The following SCN1A variants were observed in gnomAD, a reference collection of about 807,000 sequenced individuals.
SCN1A encodes the protein sodium voltage-gated channel alpha subunit 1.
SCN1A carries 13 observed loss-of-function variants against 193.7 expected under a neutral mutation model. The ratio of observed to expected loss-of-function variants is 0.07; its 90% CI spans 0.04 to 0.11. The LOEUF is 0.11. Among genes scored for constraint, SCN1A ranks in the 10% least tolerant of loss-of-function variants. The pLI is 1.00. For synonymous variants in SCN1A, 781 were observed against 843.6 expected (o/e 0.93, Z 1.29); for missense variants, 1,432 against 2,451.1 (o/e 0.58, Z 8.78).
intron 1 of SCN1A, among the ~76,000 whole-genome samples, chr2:166,144,841 G>A (rs1433075769): frequency 7.6e-6 from 1 of 131,494 alleles, no homozygotes; most frequent in African/African-American, 3.1e-5. Context: ...ATGGGTCTCA[G>A]AAAGGATCAT....
At chr2:166,014,914 G>C (rs1693071634) in intron 20 of SCN1A, among the ~76,000 whole-genome samples, 2 of 151,736 alleles carry the variant, frequency 1.3e-5, no homozygotes, top group African/African-American at 2.4e-5. Flanking sequence ...ACCATGGTCA[G>C]ATGAGGGCAG....
chr2:166,041,483 A>G lies in SCN1A; in HGVS notation c.2177-14T>C, dbSNP rs2105830037. ...ATTCTTCAAGTTCTAGATTAAGAAA[A>G]AAAAAAAAAAGAACCACCAAAAGGT... On this transcript the variant is annotated splice_polypyrimidine_tract_variant and intron_variant, in intron 15 of 28. Coordinates refer to ENST00000674923, the MANE Select transcript of SCN1A (RefSeq NM_001165963.4). 1 of 1,473,540 alleles carries G rather than the reference A, an allele frequency of 6.8e-7. No homozygotes were observed. Among genetic ancestry groups the G allele is most frequent in the Non-Finnish European group, 9.4e-7 (1 of 1,067,972 alleles). 91.3% of individuals were successfully genotyped at this position (1,473,540 alleles called of 1,614,324 possible). A position where few individuals can be genotyped will look rare whatever the true frequency, so the allele number is the denominator to read the frequency against.
At chr2:166,037,522 G>T (rs903169888) in intron 18 of SCN1A, among the ~76,000 whole-genome samples, 1 of 152,050 alleles carries the variant, frequency 6.6e-6, no homozygotes, top group African/African-American at 2.4e-5. Flanking sequence ...ATAGAATTTG[G>T]TATAAAAAAT....
At chr2:166,126,839 T>A (rs1691302066) in intron 2 of SCN1A, 85 bp downstream of exon 2, 1 of 152,348 alleles carries the variant, frequency 6.6e-6, no homozygotes, top group East Asian at 1.9e-4. Flanking sequence ...GACCGATTTG[T>A]TAACAATCAC....
chr2:166,028,797 TG>T (rs1383607426), intron 19 of SCN1A, among the ~76,000 whole-genome samples: 2 of 152,082 alleles, frequency 1.3e-5, no homozygotes, highest in Admixed American at 1.3e-4. Context: ...AATAAAATAG[TG>T]AACATAATAG....
intron 22 of SCN1A, among the ~76,000 whole-genome samples, chr2:166,011,498 T>G (rs1484334546): frequency 6.7e-6 from 1 of 149,120 alleles, no homozygotes; most frequent in Non-Finnish European, 1.5e-5. Context: ...AGGAAAACTT[T>G]CACTGCTGAA....
At chr2:166,044,188 A>C in intron 13 of SCN1A, 139 bp from the exon 14 acceptor site, 6 of 1,021,688 alleles carry the variant, frequency 5.9e-6, no homozygotes, top group Non-Finnish European at 7.1e-6. Flanking sequence ...TATCATTCTC[A>C]TTTTATGTGC....
intron 26 of SCN1A, among the ~76,000 whole-genome samples, chr2:165,997,381 C>G (rs1690225282): frequency 6.6e-6 from 1 of 151,154 alleles, no homozygotes; most frequent in Non-Finnish European, 1.5e-5. Context: ...ATACTCTGAA[C>G]AGAAAACAAA....
At chr2:166,050,616 T>TATATATATATATATATAC (rs1698429360) in intron 9 of SCN1A, among the ~76,000 whole-genome samples, 1 of 83,248 alleles carries the variant, frequency 1.2e-5, no homozygotes, top group African/African-American at 4.8e-5. Flanking sequence ...AAAAAAAGTA[T>TATATATATATATATATAC]ATATATATAT....
chr2:166,135,025 G>A (rs1266810708), intron 1 of SCN1A, among the ~76,000 whole-genome samples: 1 of 152,142 alleles, frequency 6.6e-6, no homozygotes, highest in Non-Finnish European at 1.5e-5. Context: ...CTGTGTTTAT[G>A]TGTTCTTTCC....
intron 2 of SCN1A, among the ~76,000 whole-genome samples, chr2:166,089,895 A>ATCCTCAAATATATG (rs1354704221): frequency 1.1e-3 from 174 of 152,250 alleles, no homozygotes; most frequent in African/African-American, 4.1e-3. Context: ...GTATTGATGT[A>ATCCTCAAATATATG]AGATTATCCT....
At chr2:166,142,191 A>G (rs1372664229) in intron 1 of SCN1A, among the ~76,000 whole-genome samples, 2 of 152,210 alleles carry the variant, frequency 1.3e-5, no homozygotes, top group Non-Finnish European at 1.5e-5. Context: ...CACACCTGCT[A>G]AAGAGGGAAA....
chr2:166,141,638 A>C (rs1354941035), intron 1 of SCN1A, among the ~76,000 whole-genome samples: 1 of 152,072 alleles, frequency 6.6e-6, no homozygotes, highest in African/African-American at 2.4e-5. Context: ...TGCTTAAAAT[A>C]TTTTGTTCTG....
At chr2:166,019,461 A>C (rs1385692703) in intron 19 of SCN1A, among the ~76,000 whole-genome samples, 1 of 152,216 alleles carries the variant, frequency 6.6e-6, no homozygotes. Context: ...ACAATCTTAA[A>C]CATACTTCTT....
rs753050564 is a variant in SCN1A at position 166,043,959 on chromosome 2, C to G, written c.1753G>C (p.Gly585Arg). The G allele has an allele frequency of 4.5e-5, 72 of 1,614,026 alleles. No homozygotes were observed. The highest frequency in any genetic ancestry group is 5.9e-5 in the Non-Finnish European group (70 of 1,180,030). The change falls in exon 14 of 29, where the codon GGA becomes CGA. Residue 585 changes from glycine (G) to arginine (R), a missense_variant. Physicochemically the swap from Gly to Arg is moderately radical, Grantham distance 125. Coordinates refer to ENST00000674923, the MANE Select transcript of SCN1A (RefSeq NM_001165963.4). ...TCATCTGCGAAGTCGTTCTCAGATC[C>G]CACATCCTTTGCTCGCCCTCTAAAG... is the stretch of plus-strand genomic sequence containing the variant. ...FSFRGRAKDV[G>R]SENDFADDEH...
At chr2:166,003,734 G>A (rs998073264) in intron 23 of SCN1A, among the ~76,000 whole-genome samples, 4 of 151,544 alleles carry the variant, frequency 2.6e-5, no homozygotes, top group African/African-American at 9.7e-5. Context: ...CTCAAACTTG[G>A]ACATTAATAG....
At chr2:166,117,180 T>C (rs1689962627) in intron 2 of SCN1A, among the ~76,000 whole-genome samples, 1 of 152,240 alleles carries the variant, frequency 6.6e-6, no homozygotes, top group South Asian at 2.1e-4. Context: ...AATTTGTCTC[T>C]CAGTCATTTT....
At chr2:166,023,868 C>T (rs896943743) in intron 19 of SCN1A, among the ~76,000 whole-genome samples, 2 of 151,912 alleles carry the variant, frequency 1.3e-5, no homozygotes, top group African/African-American at 2.4e-5. Flanking sequence ...CTCTGCCTCC[C>T]GGGCTCAAGC....
intron 8 of SCN1A, among the ~76,000 whole-genome samples, chr2:166,052,322 G>C (rs1323905609): frequency 6.6e-6 from 1 of 151,852 alleles, no homozygotes; most frequent in Non-Finnish European, 1.5e-5. Context: ...AGGGTCAGAG[G>C]TCAGTTTTAT....
Sources: allele counts gnomAD v4.1 joint callset (sites outside exome capture counted in the v4.1 genomes callset), GRCh38; gene constraint gnomAD v4.1.1; transcripts MANE v1.5; gene names NCBI Gene and HGNC (gene_info 2026-07-23, HGNC 2026-07-21).